PAK5: variants seen among roughly 807,000 people sequenced by gnomAD.
PAK5 encodes the protein p21 (RAC1) activated kinase 5.
PAK5 carries 16 observed loss-of-function variants against 65.9 expected under a neutral mutation model. The observed-to-expected ratio is 0.24, with a 90% CI of 0.16 to 0.37. The LOEUF is 0.37. Ranked by LOEUF, PAK5 falls within the 10% of genes least tolerant of loss-of-function variation. PAK5 has a pLI of 1.00. For missense variants in PAK5, 785 were observed against 903.9 expected (o/e 0.87, Z 1.69); for synonymous variants, 371 against 354.9 (o/e 1.05, Z -0.51).
intron 3 of PAK5, among the ~76,000 whole-genome samples, chr20:9,618,773 A>G (rs1189253540): frequency 1.3e-5 from 2 of 151,822 alleles, no homozygotes; most frequent in African/African-American, 4.8e-5. Context: ...GTACAGTTCT[A>G]TAAGTACAAG....
Position 9,562,969 on chromosome 20 carries a change from T to C in PAK5, c.1538A>G (p.Tyr513Cys). 6.2e-7 allele frequency: 1 copy of C among 1,612,928 alleles called. No homozygotes were observed. The highest frequency in any genetic ancestry group is 8.5e-7 in the Non-Finnish European group (1 of 1,179,096). Residue 513 changes from tyrosine (Y) to cysteine (C), a missense_variant, in exon 6 of 10, where the codon TAC becomes TGC. Coordinates refer to ENST00000353224, the MANE Select transcript of PAK5 (RefSeq NM_177990.4). ...CACCCAGAGCTCATCGCCGACAAGG[T>C]AGCTGCTGTACATGTCAACCACATT... ...HDNVVDMYSS[Y>C]LVGDELWVVM...
intron 3 of PAK5, among the ~76,000 whole-genome samples, chr20:9,622,669 T>C (rs985835576): frequency 5.3e-5 from 8 of 152,226 alleles, no homozygotes; most frequent in African/African-American, 1.9e-4. Flanking sequence ...CGACATTATA[T>C]TCTCATAGGG....
chr20:9,667,942 G>A (rs6056789), intron 2 of PAK5, among the ~76,000 whole-genome samples: 1 of 152,138 alleles, frequency 6.6e-6, no homozygotes, highest in African/African-American at 2.4e-5. Context: ...CCAGTATTAA[G>A]GATATTCATT....
chr20:9,649,589 C>A (rs940290842), intron 2 of PAK5, among the ~76,000 whole-genome samples: 6 of 152,076 alleles, frequency 3.9e-5, no homozygotes, highest in Non-Finnish European at 7.3e-5. Context: ...CTGCCTTAAG[C>A]ATATGCCTAG....
chr20:9,591,792 G>A (rs1603235949), intron 3 of PAK5, among the ~76,000 whole-genome samples: 1 of 152,088 alleles, frequency 6.6e-6, no homozygotes, highest in East Asian at 1.9e-4. Context: ...ATTTAGCCAA[G>A]AAAAATTTAC....
intron 2 of PAK5, among the ~76,000 whole-genome samples, chr20:9,668,930 T>C (rs951055217): frequency 6.6e-6 from 1 of 152,222 alleles, no homozygotes; most frequent in South Asian, 2.1e-4. Context: ...AGTGGCCTCC[T>C]GGTGCCCAAT....
At chr20:9,585,247 T>C (rs1260091753) in intron 3 of PAK5, among the ~76,000 whole-genome samples, 2 of 152,204 alleles carry the variant, frequency 1.3e-5, no homozygotes, top group African/African-American at 4.8e-5. Flanking sequence ...TCTGCTACCA[T>C]GGAATCACTT....
chr20:9,789,274 G>A (rs529355270), intron 1 of PAK5, among the ~76,000 whole-genome samples: 2 of 152,220 alleles, frequency 1.3e-5, no homozygotes, highest in South Asian at 2.1e-4. Flanking sequence ...GCTTAAGCAG[G>A]TGTCATTCTT....
At chr20:9,660,251 T>C (rs2047326266) in intron 2 of PAK5, among the ~76,000 whole-genome samples, 1 of 151,698 alleles carries the variant, frequency 6.6e-6, no homozygotes, top group Admixed American at 6.6e-5. Flanking sequence ...TGCACGTGGA[T>C]TACGCAGTAA....
intron 4 of PAK5, among the ~76,000 whole-genome samples, chr20:9,570,608 G>A (rs2045764259): frequency 7.8e-6 from 1 of 128,048 alleles, no homozygotes; most frequent in Non-Finnish European, 1.6e-5. Flanking sequence ...GTCAAGTCTA[G>A]GCTAGTCAGC....
chr20:9,778,579 T>C (rs2048910057), intron 1 of PAK5, among the ~76,000 whole-genome samples: 1 of 152,142 alleles, frequency 6.6e-6, no homozygotes, highest in Admixed American at 6.5e-5. Context: ...CTCCTTAACC[T>C]AACTTTTATG....
chr20:9,773,058 A>G (rs1448402141), intron 1 of PAK5, among the ~76,000 whole-genome samples: 1 of 152,168 alleles, frequency 6.6e-6, no homozygotes, highest in African/African-American at 2.4e-5. Flanking sequence ...AAATCAAACC[A>G]GGGCTATGAT....
rs373657435 is a variant in PAK5, at chr20:9,647,339, G to T, written c.-11-3000C>A. Among the ~76,000 whole-genome samples the T allele has an allele frequency of 9.2e-5, 14 of 152,300 alleles. No individual in the cohort carries two copies. The East Asian group carries it at 2.5e-3, about 27-fold the overall frequency. On this transcript the variant is annotated intron_variant, in intron 2 of 9. Coordinates refer to ENST00000353224, the MANE Select transcript of PAK5 (RefSeq NM_177990.4). ...ATTTGAAAATATAATTTGGCCATTTGTTGGCTGAGTCCGCTTGACAGTTCA... is the reference window on the plus strand; with the variant it reads ...ATTTGAAAATATAATTTGGCCATTTTTTGGCTGAGTCCGCTTGACAGTTCA...
At position 9,538,076 on chromosome 20, in the gene PAK5, C is replaced by G. The variant is rs1325326047; in HGVS notation, c.*1386G>C. On this transcript the variant is annotated 3_prime_UTR_variant, in exon 10 of 10. Transcript: ENST00000353224. Reference sequence around the variant, plus strand: ...CATAATTAATAGAAACTAATGATGACTATGTAGCTCTTCCAGAGTTTTAAA... The same window carrying G: ...CATAATTAATAGAAACTAATGATGAGTATGTAGCTCTTCCAGAGTTTTAAA... 4.3e-6 allele frequency: 1 copy of G among 232,918 alleles called. No homozygotes were observed. Among genetic ancestry groups the G allele is most frequent in the Non-Finnish European group, 8.5e-6 (1 of 117,716 alleles). 14.4% of individuals were successfully genotyped at this position (232,918 alleles called of 1,614,324 possible). A position where few individuals can be genotyped will look rare whatever the true frequency, so the allele number is the denominator to read the frequency against.
intron 3 of PAK5, among the ~76,000 whole-genome samples, chr20:9,591,928 G>T (rs956961921): frequency 6.6e-6 from 1 of 152,070 alleles, no homozygotes; most frequent in Admixed American, 6.6e-5. Flanking sequence ...TGTTAATCTG[G>T]AAATAAAACC....
chr20:9,731,237 A>C (rs2048331999), intron 1 of PAK5, among the ~76,000 whole-genome samples: 1 of 152,226 alleles, frequency 6.6e-6, no homozygotes, highest in African/African-American at 2.4e-5. Flanking sequence ...ATCAAATGTG[A>C]GTCACAAATA....
chr20:9,750,674 A>G (rs1784601816), intron 1 of PAK5, among the ~76,000 whole-genome samples: 1 of 152,106 alleles, frequency 6.6e-6, no homozygotes. Flanking sequence ...CCTAAAGAAT[A>G]AGGAAGGACC....
chr20:9,748,498 C>A (rs962204434), intron 1 of PAK5, among the ~76,000 whole-genome samples: 1 of 152,090 alleles, frequency 6.6e-6, no homozygotes, highest in Non-Finnish European at 1.5e-5. Context: ...AGATATAGAT[C>A]AATGGAACAG....
intron 1 of PAK5, among the ~76,000 whole-genome samples, chr20:9,728,846 A>T (rs1164099555): frequency 1.3e-5 from 2 of 151,930 alleles, no homozygotes; most frequent in African/African-American, 4.8e-5. Flanking sequence ...ATTTCTCACT[A>T]CAATAGCGGA....
Sources: gnomAD v4.1 joint callset for allele counts (sites outside exome capture counted in the v4.1 genomes callset) on GRCh38, gnomAD v4.1.1 for gene constraint, MANE v1.5 for transcripts, NCBI Gene and HGNC (gene_info 2026-07-23, HGNC 2026-07-21) for gene names.